The following LIMS1 variants were observed in gnomAD, a reference collection of about 807,000 sequenced individuals.
The protein encoded by LIMS1 is LIM zinc finger domain containing 1.
A neutral mutation model predicts 44.1 loss-of-function variants in LIMS1; 18 were observed. The observed-to-expected ratio is 0.41, with a 90% CI of 0.28 to 0.61. The LOEUF (loss-of-function observed/expected upper bound fraction) is 0.61. LIMS1 is among the 20% of genes least tolerant of loss of function. LIMS1 has a pLI of 0.32. For synonymous variants in LIMS1, 93 were observed against 149.1 expected, an observed-to-expected ratio of 0.62 and a Z score of 2.74; for missense variants, 201 against 422.0, an observed-to-expected ratio of 0.48 and a Z score of 4.59.
At chr2:108,584,001 C>G (rs577052425) in intron 1 of LIMS1, among the ~76,000 whole-genome samples, 2 of 152,126 alleles carry the variant, frequency 1.3e-5, no homozygotes, top group Admixed American at 1.3e-4. Flanking sequence ...GCTGTTGTTG[C>G]TGTTTCTATG....
intron 3 of LIMS1, chr2:108,671,151 A>G (rs1257603569): frequency 9.4e-6 from 4 of 426,518 alleles, no homozygotes; most frequent in Non-Finnish European, 1.7e-5. Context: ...AGCCTGGGCA[A>G]CAGCAAAACT....
chr2:108,575,354 T>C (rs1360975835), intron 1 of LIMS1, among the ~76,000 whole-genome samples: 1 of 152,200 alleles, frequency 6.6e-6, no homozygotes, highest in Non-Finnish European at 1.5e-5. Flanking sequence ...AACGTGGTGT[T>C]GATGGCTGTG....
chr2:108,647,845 A>G (rs1573546624), intron 1 of LIMS1, among the ~76,000 whole-genome samples: 1 of 152,234 alleles, frequency 6.6e-6, no homozygotes. Context: ...TGGCAAACCC[A>G]CAGCCAATAG....
chr2:108,639,083 T>C (rs1340947572), intron 1 of LIMS1, among the ~76,000 whole-genome samples: 1 of 152,138 alleles, frequency 6.6e-6, no homozygotes, highest in Non-Finnish European at 1.5e-5. Context: ...CCTGGTGTTC[T>C]TAAGGAGATG....
intron 1 of LIMS1, among the ~76,000 whole-genome samples, chr2:108,595,560 C>T (rs1686635149): frequency 6.6e-6 from 1 of 152,160 alleles, no homozygotes; most frequent in Non-Finnish European, 1.5e-5. Context: ...ATTCTGCCTA[C>T]TTTGTTGCCT....
chr2:108,573,937 T>C (rs540467574), intron 1 of LIMS1, among the ~76,000 whole-genome samples: 1 of 152,292 alleles, frequency 6.6e-6, no homozygotes, highest in East Asian at 1.9e-4. Context: ...TTAGGGACTC[T>C]TCTCATGCCA....
At chr2:108,632,585 C>G (rs1385954504) in intron 1 of LIMS1, among the ~76,000 whole-genome samples, 2 of 152,112 alleles carry the variant, frequency 1.3e-5, no homozygotes, top group Non-Finnish European at 1.5e-5. Flanking sequence ...GATCTTATTG[C>G]ACAAAATGGT....
At chr2:108,685,756 C>T (rs942414512) in exon 10 of LIMS1, 5 of 152,078 alleles carry the variant, frequency 3.3e-5, no homozygotes, top group African/African-American at 1.2e-4. Flanking sequence ...TAATATGTGA[C>T]CAGCAATGAC....
At chr2:108,652,667 T>A (rs1265981204) in intron 1 of LIMS1, among the ~76,000 whole-genome samples, 1 of 152,210 alleles carries the variant, frequency 6.6e-6, no homozygotes, top group East Asian at 1.9e-4. Flanking sequence ...CCCGCACACA[T>A]GCATTGTTGC....
At chr2:108,642,688 T>TA (rs1689785688) in intron 1 of LIMS1, among the ~76,000 whole-genome samples, 1 of 152,172 alleles carries the variant, frequency 6.6e-6, no homozygotes, top group African/African-American at 2.4e-5. Flanking sequence ...AGCTGCTTTT[T>TA]AAAAAAATGT....
In LIMS1 at chr2:108,662,409, C is replaced by T. The variant is rs1434569467; in HGVS notation, c.192+2645C>T. 2.0e-6 allele frequency: 3 copies of T among 1,529,460 alleles called. No individual in the cohort carries two copies. The East Asian group carries it at 7.1e-5, about 36-fold the overall frequency. 94.7% of individuals were successfully genotyped at this position (1,529,460 alleles called of 1,614,324 possible). A position where few individuals can be genotyped will look rare whatever the true frequency, so the allele number is the denominator to read the frequency against. On this transcript the variant is annotated intron_variant, in intron 2 of 9. Transcript: ENST00000544547. ...CTCATCTCGTCCTGCCCACCCCTCACACTGGACTATAAATACCCTCCCTGG... is the reference window on the plus strand; with the variant it reads ...CTCATCTCGTCCTGCCCACCCCTCATACTGGACTATAAATACCCTCCCTGG...
At position 108,591,352 on chromosome 2, in the gene LIMS1, C is replaced by T. The variant is rs141150879; in HGVS notation, c.32+56758C>T. Among the ~76,000 whole-genome samples the T allele has an allele frequency of 5.9e-4, 89 of 152,028 alleles. 1 individual carries two copies. In the East Asian group the frequency reaches 9.7e-3, roughly 17 times the overall value. The stretch of plus-strand genomic sequence containing the variant: ...TGATGCGGTGGGGCCTGAACCTGGG[C>T]GTTGTCAGAGGCGTGGGAAGGAGTC... On this transcript the variant is annotated intron_variant, in intron 1 of 9. Transcript: ENST00000544547.
At chr2:108,611,503 T>G (rs947079508) in intron 1 of LIMS1, among the ~76,000 whole-genome samples, 1 of 152,156 alleles carries the variant, frequency 6.6e-6, no homozygotes, top group Admixed American at 6.5e-5. Context: ...GTGGTCTCAT[T>G]ACATTTTGAG....
intron 1 of LIMS1, among the ~76,000 whole-genome samples, chr2:108,536,955 G>A (rs1310803761): frequency 2.6e-5 from 4 of 152,148 alleles, no homozygotes; most frequent in Non-Finnish European, 4.4e-5. Flanking sequence ...CAATTGGCAG[G>A]TTGTACAGAA....
chr2:108,667,011 G>T (rs1691804421), intron 2 of LIMS1, among the ~76,000 whole-genome samples: 1 of 151,124 alleles, frequency 6.6e-6, no homozygotes, highest in Non-Finnish European at 1.5e-5. Flanking sequence ...ATGTAGGCAT[G>T]ATGAATTAAA....
At chr2:108,534,109 G>C (rs909466135), upstream of LIMS1, 3 of 153,288 alleles carry the variant, frequency 2.0e-5, no homozygotes, top group Non-Finnish European at 4.4e-5. Context: ...CTTGTTGTAG[G>C]GAACTCGGCC....
intron 1 of LIMS1, among the ~76,000 whole-genome samples, chr2:108,645,752 CCA>C (rs1416399548): frequency 6.6e-6 from 1 of 151,682 alleles, no homozygotes; most frequent in Non-Finnish European, 1.5e-5. Flanking sequence ...GAGACCCATC[CCA>C]CGTGGAGAGA....
At chr2:108,631,888 G>A (rs1688950356) in intron 1 of LIMS1, among the ~76,000 whole-genome samples, 2 of 152,310 alleles carry the variant, frequency 1.3e-5, no homozygotes, top group South Asian at 4.1e-4. Context: ...AAATAGATTT[G>A]TCTTTCTCCT....
chr2:108,660,426 T>C (rs1335044189), intron 2 of LIMS1: 3 of 406,648 alleles, frequency 7.4e-6, no homozygotes, highest in African/African-American at 4.2e-5. Flanking sequence ...CCCTTTCTTG[T>C]TGTTTTTTAT....
Sources: allele counts gnomAD v4.1 joint callset (sites outside exome capture counted in the v4.1 genomes callset), GRCh38; gene constraint gnomAD v4.1.1; transcripts MANE v1.5; gene names NCBI Gene and HGNC (gene_info 2026-07-23, HGNC 2026-07-21).